CDS1: variants seen among roughly 807,000 people sequenced by gnomAD.
CDS1 encodes CDP-diacylglycerol synthase 1.
CDS1 carries 41 observed loss-of-function variants against 62.1 expected under a neutral mutation model. That is an observed-to-expected ratio of 0.66 (90% CI 0.51 to 0.86). CDS1 has a LOEUF of 0.86. Among genes scored for constraint, CDS1 ranks in the 40% least tolerant of loss-of-function variants. CDS1 has a pLI of 0.00. For missense variants in CDS1, 470 were observed against 550.1 expected (o/e 0.85, Z 1.46); for synonymous variants, 185 against 192.6 (o/e 0.96, Z 0.32).
intron 2 of CDS1, among the ~76,000 whole-genome samples, chr4:84,605,156 A>G (rs1281172798): frequency 6.6e-6 from 1 of 152,180 alleles, no homozygotes; most frequent in Admixed American, 6.5e-5. Context: ...AGAAAGAACA[A>G]TGTTTCCCCA....
rs562053068 is a variant in CDS1 at position 84,651,008 on chromosome 4, A to T, written c.*2322A>T. The T allele has an allele frequency of 4.6e-5, 7 of 152,228 alleles. No homozygotes were observed. Among genetic ancestry groups the T allele is most frequent in the African/African-American group, 1.7e-4 (7 of 41,550 alleles). 9.4% of individuals were successfully genotyped at this position (152,228 alleles called of 1,614,324 possible). A position where few individuals can be genotyped will look rare whatever the true frequency, so the allele number is the denominator to read the frequency against. ...TGCCTAGTTGTTCCAAATTTGCTAT[A>T]TTTGGAGGTGCTCTACTGGTACTTC... On this transcript the variant is annotated 3_prime_UTR_variant, in exon 13 of 13. Transcript: ENST00000295887.
chr4:84,609,331 A>G (rs1469772343), intron 2 of CDS1, 98 bp from the exon 3 acceptor site: 5 of 734,260 alleles, frequency 6.8e-6, no homozygotes, highest in Non-Finnish European at 4.7e-6. Flanking sequence ...GTAGAATCTT[A>G]TAGTTAAGGA....
At chr4:84,639,078 A>G (rs1433950398) in intron 9 of CDS1, 86 bp downstream of exon 9, 2 of 544,220 alleles carry the variant, frequency 3.7e-6, no homozygotes, top group Non-Finnish European at 6.1e-6. Flanking sequence ...TAGAAAAATT[A>G]AACCACAAAA....
chr4:84,640,942 G>A lies in CDS1; in HGVS notation c.984G>A (p.Gln328=). ...VTECEPSELF[Q]LQTYSLPPFL... ...AATGTGAGCCCTCAGAACTTTTCCA[G>A]CTTCAGACTTACTCACTTCCACCCT... Residue 328 remains glutamine (Q), a synonymous_variant, in exon 10 of 13, where the codon CAG becomes CAA. Coordinates refer to ENST00000295887, the MANE Select transcript of CDS1 (RefSeq NM_001263.4). 1 of 1,610,266 alleles carries A rather than the reference G, an allele frequency of 6.2e-7. No individual in the cohort carries two copies. Among genetic ancestry groups the A allele is most frequent in the East Asian group, 2.2e-5 (1 of 44,614 alleles).
intron 1 of CDS1, among the ~76,000 whole-genome samples, chr4:84,603,152 G>A (rs868102992): frequency 6.6e-6 from 1 of 152,180 alleles, no homozygotes; most frequent in South Asian, 2.1e-4. Flanking sequence ...GTTCGAAGGG[G>A]TGATGACATT....
chr4:84,638,957 G>T lies in CDS1; in HGVS notation c.844G>T (p.Gly282Cys). ...SPKKTWEGFI[G>C]GFFSTVVFGF... Reference sequence around the variant, plus strand: ...TAAAAAGACTTGGGAAGGATTCATTGGTGGTTTCTTTTCCACAGTTGTGTT... The same window carrying T: ...TAAAAAGACTTGGGAAGGATTCATTTGTGGTTTCTTTTCCACAGTTGTGTT... The change falls in exon 9 of 13, where the codon GGT (glycine) becomes TGT (cysteine). Residue 282 changes from glycine (G) to cysteine (C), a missense_variant. Gly to Cys is a radical substitution (Grantham distance 159). Around this residue, in one of 5 missense-constraint regions of CDS1, gnomAD observed 214 missense variants for 242.4 expected, o/e 0.88. Transcript: ENST00000295887. The T allele has an allele frequency of 6.4e-7, 1 of 1,571,574 alleles. No individual in the cohort carries two copies. The highest frequency in any genetic ancestry group is 1.4e-5 in the African/African-American group (1 of 73,296).
intron 1 of CDS1, among the ~76,000 whole-genome samples, chr4:84,598,229 A>G (rs1379528339): frequency 6.6e-6 from 1 of 151,832 alleles, no homozygotes; most frequent in African/African-American, 2.4e-5. Context: ...AAAACTGTTT[A>G]GTTTCAAGAT....
At chr4:84,625,362 T>C (rs1459184721) in intron 5 of CDS1, among the ~76,000 whole-genome samples, 3 of 152,194 alleles carry the variant, frequency 2.0e-5, no homozygotes, top group Non-Finnish European at 4.4e-5. Flanking sequence ...GATTGTGTGC[T>C]TTCCAGGGTC....
chr4:84,609,525 TGTAA>T lies in CDS1; in HGVS notation c.342+3_342+6del. ...TGGGATCCTTCATGCTGATGCTTCTTGTAAGTTTTTGACTTTTCCCTGAGTGTCT... is the reference window on the plus strand; with the variant it reads ...TGGGATCCTTCATGCTGATGCTTCTTGTTTTTGACTTTTCCCTGAGTGTCT... On this transcript the variant is annotated splice_donor_variant and splice_donor_region_variant and intron_variant, in intron 3 of 12. Coordinates refer to ENST00000295887, the MANE Select transcript of CDS1 (RefSeq NM_001263.4). LOFTEE classifies it high-confidence loss of function. 6.4e-7 allele frequency: 1 copy of T among 1,559,592 alleles called. No individual in the cohort carries two copies. The highest frequency in any genetic ancestry group is 8.8e-7 in the Non-Finnish European group (1 of 1,131,752).
At chr4:84,607,046 C>T (rs1450329001) in intron 2 of CDS1, among the ~76,000 whole-genome samples, 2 of 152,102 alleles carry the variant, frequency 1.3e-5, no homozygotes, top group African/African-American at 4.8e-5. Context: ...CATGCTCATG[C>T]TCTCATGAGA....
At position 84,599,395 on chromosome 4, in the gene CDS1, CACACACACACATATATATATAT is replaced by C. The variant is rs1488053543; in HGVS notation, c.118-4846_118-4825del. 2.9e-3 allele frequency among the ~76,000 whole-genome samples: 354 copies of C among 121,636 alleles called. 4 individuals carry two copies. The highest frequency in any genetic ancestry group is 0.011 in the African/African-American group (338 of 29,850). 79.8% of individuals were successfully genotyped at this position (121,636 alleles called of 152,430 possible). A position where few individuals can be genotyped will look rare whatever the true frequency, so the allele number is the denominator to read the frequency against. The stretch of plus-strand genomic sequence containing the variant: ...GCAAATATAATTTGGCAAATTTTGA[CACACACACACATATATATATAT>C]ATATATATATATATATATATATATA... On this transcript the variant is annotated intron_variant, in intron 1 of 12. Coordinates refer to ENST00000295887, the MANE Select transcript of CDS1 (RefSeq NM_001263.4).
intron 2 of CDS1, among the ~76,000 whole-genome samples, chr4:84,608,322 C>T (rs1052210728): frequency 6.6e-6 from 1 of 152,168 alleles, no homozygotes; most frequent in African/African-American, 2.4e-5. Flanking sequence ...TACAGGCGCC[C>T]ACCACTATGC....
intron 12 of CDS1, among the ~76,000 whole-genome samples, chr4:84,647,917 T>G (rs922940289): frequency 4.6e-5 from 7 of 152,174 alleles, no homozygotes; most frequent in African/African-American, 1.7e-4. Flanking sequence ...ATACATGACT[T>G]GTATGTTGCT....
intron 1 of CDS1, among the ~76,000 whole-genome samples, chr4:84,589,827 T>C (rs1471883009): frequency 6.6e-6 from 1 of 152,156 alleles, no homozygotes; most frequent in Non-Finnish European, 1.5e-5. Flanking sequence ...TTGTTTTGTT[T>C]TGAGACGGAG....
chr4:84,622,635 A>G (rs1327982937), intron 5 of CDS1, among the ~76,000 whole-genome samples: 8 of 152,170 alleles, frequency 5.3e-5, no homozygotes, highest in African/African-American at 1.9e-4. Flanking sequence ...GTGGTTAATT[A>G]AAACATAAAT....
chr4:84,644,301 A>G (rs1724486100), intron 11 of CDS1, among the ~76,000 whole-genome samples: 1 of 152,234 alleles, frequency 6.6e-6, no homozygotes, highest in African/African-American at 2.4e-5. Context: ...CAGGATAAGT[A>G]TCTTGCGAAG....
At chr4:84,608,945 G>A (rs561094745) in intron 2 of CDS1, among the ~76,000 whole-genome samples, 3 of 152,024 alleles carry the variant, frequency 2.0e-5, no homozygotes, top group East Asian at 2.0e-4. Flanking sequence ...TTGGGAGGCC[G>A]AGGCAAGCAG....
At chr4:84,600,099 T>C (rs149141407) in intron 1 of CDS1, among the ~76,000 whole-genome samples, 234 of 152,294 alleles carry the variant, frequency 1.5e-3, no homozygotes, top group African/African-American at 5.4e-3. Flanking sequence ...TAGAATCACA[T>C]TGTGATTTTG....
chr4:84,607,058 G>T (rs764860913), intron 2 of CDS1, among the ~76,000 whole-genome samples: 2 of 152,152 alleles, frequency 1.3e-5, no homozygotes, highest in African/African-American at 4.8e-5. Context: ...CTCATGAGAA[G>T]TTTATGTCTA....
Sources: gnomAD v4.1 joint callset for allele counts (sites outside exome capture counted in the v4.1 genomes callset) on GRCh38, gnomAD v4.1.1 for gene constraint, gnomAD v4.1.1 regional missense constraint, MANE v1.5 for transcripts, NCBI Gene and HGNC (gene_info 2026-07-23, HGNC 2026-07-21) for gene names.